DNAAF8: variants seen among roughly 807,000 people sequenced by gnomAD.
The protein encoded by DNAAF8 is dynein axonemal assembly factor 8.
DNAAF8 carries 61 observed loss-of-function variants against 54.6 expected under a neutral mutation model. That is an observed-to-expected ratio of 1.12 (90% CI 0.91 to 1.38). DNAAF8 has a LOEUF of 1.38. DNAAF8 is among the 40% of genes most tolerant of loss of function. The pLI, the probability that DNAAF8 is intolerant of heterozygous loss-of-function variation, is 0.00. For missense variants in DNAAF8, 837 were observed against 665.0 expected (o/e 1.26, Z -2.85); for synonymous variants, 320 against 270.1 (o/e 1.18, Z -1.81).
chr16:4,740,175 T>G lies in DNAAF8; in HGVS notation c.299T>G (p.Leu100Trp). 6.2e-7 allele frequency: 1 copy of G among 1,610,684 alleles called. No homozygotes were observed. Among genetic ancestry groups the G allele is most frequent in the Non-Finnish European group, 8.5e-7 (1 of 1,177,650 alleles). The change falls in exon 4 of 10, where the codon TTG becomes TGG. Residue 100 changes from leucine to tryptophan, a missense_variant. Leu to Trp is a moderately conservative substitution (Grantham distance 61). Transcript: ENST00000299320. ...LPEPVLVPAELATEPGCRQNT... is the reference protein window; with the variant it reads ...LPEPVLVPAEWATEPGCRQNT... ...CAGCCAGTTCTGGTGCCTGCAGAAT[T>G]GGCCACAGAACCTGGGTGCAGACAG... is the stretch of plus-strand genomic sequence containing the variant.
chr16:4,739,262 CTTG>C (rs2081930808), intron 3 of DNAAF8, among the ~76,000 whole-genome samples: 1 of 36,240 alleles, frequency 2.8e-5, no homozygotes, highest in African/African-American at 7.4e-5. Flanking sequence ...ATGATTTTTT[CTTG>C]TTTTTTTTTT....
intron 5 of DNAAF8, 185 bp downstream of exon 5, chr16:4,743,345 T>C (rs773154560): frequency 9.8e-6 from 5 of 509,576 alleles, no homozygotes; most frequent in Non-Finnish European, 1.7e-5. Flanking sequence ...TCAACATATA[T>C]GTGACCGCCT....
At chr16:4,740,692 G>A (rs377159666) in intron 4 of DNAAF8, 33 bp downstream of exon 4, 3 of 1,542,318 alleles carry the variant, frequency 1.9e-6, no homozygotes, top group African/African-American at 2.7e-5. Context: ...CTGTTTCTCA[G>A]GCCTGTTACC....
Position 4,737,836 on chromosome 16 carries a change from C to T in DNAAF8, c.166C>T (p.Arg56Ter), listed in dbSNP as rs150534835. 4.2e-5 allele frequency: 68 copies of T among 1,614,018 alleles called. No homozygotes were observed. The highest frequency in any genetic ancestry group is 2.2e-4 in the East Asian group (10 of 44,890). Reference protein sequence around the residue: ...YGEEELFIFQRNQTSLIPDLS... With the variant: ...YGEEELFIFQ ...GGAAGAGGAGCTGTTCATCTTCCAGCGAAACCAAACCTCCCTGATTCCAGA... is the reference window on the plus strand; with the variant it reads ...GGAAGAGGAGCTGTTCATCTTCCAGTGAAACCAAACCTCCCTGATTCCAGA... The change falls in exon 3 of 10, where the codon CGA becomes TGA. Residue 56 changes from arginine to a stop codon, truncating the protein, a stop_gained. Coordinates refer to ENST00000299320, the MANE Select transcript of DNAAF8 (RefSeq NM_139170.3). LOFTEE classifies it high-confidence loss of function.
At chr16:4,737,687 G>A in intron 2 of DNAAF8, 113 bp from the exon 3 acceptor site, 1 of 1,351,822 alleles carries the variant, frequency 7.4e-7, no homozygotes, top group Non-Finnish European at 1.0e-6. Context: ...GGGCTGGATG[G>A]GCTGGGCGGG....
In DNAAF8 at chr16:4,747,555, G is replaced by C. The variant is rs1244345664; in HGVS notation, c.1493G>C (p.Arg498Thr). 1.2e-6 allele frequency: 2 copies of C among 1,612,180 alleles called. No homozygotes were observed. The highest frequency in any genetic ancestry group is 8.5e-7 in the Non-Finnish European group (1 of 1,179,750). The change falls in exon 9 of 10, where the codon AGA becomes ACA. Residue 498 changes from arginine to threonine, a missense_variant. Physicochemically the swap from Arg to Thr is moderately conservative, Grantham distance 71. Coordinates refer to ENST00000299320, the MANE Select transcript of DNAAF8 (RefSeq NM_139170.3). ...AQARLPRGRPRALGDVPEPGA... is the reference protein window; with the variant it reads ...AQARLPRGRPTALGDVPEPGA... The stretch of plus-strand genomic sequence containing the variant: ...GCTCGACTCCCAAGAGGCAGGCCCA[G>C]AGCCCTGGGGGATGTTCCTGAGCCA...
chr16:4,744,872 C>T lies in DNAAF8; in HGVS notation c.904C>T (p.Arg302Cys), dbSNP rs2075469. The T allele has an allele frequency of 0.64, 1,025,679 of 1,609,712 alleles. 329,683 individuals are homozygous for T. The highest frequency in any genetic ancestry group is 0.69 in the East Asian group (30,677 of 44,722). The change falls in exon 6 of 10, where the codon CGC becomes TGC. Residue 302 changes from arginine (R) to cysteine (C), a missense_variant and splice_region_variant. By Grantham distance (180) the Arg-to-Cys change is radical. Transcript: ENST00000299320. ...GCCTCTCCTTTGGCCATCCTCAGAC[C>T]GCATGGTGCCGAGCGCCCACAACAG... ...WAADHRQVQD[R>C]MVPSAHNRLM...
At chr16:4,744,529 A>G (rs1292191381) in intron 5 of DNAAF8, among the ~76,000 whole-genome samples, 1 of 150,006 alleles carries the variant, frequency 6.7e-6, no homozygotes, top group Non-Finnish European at 1.5e-5. Context: ...GGATGACCCT[A>G]TTTTTTTTTT....
At position 4,740,278 on chromosome 16, in the gene DNAAF8, C is replaced by G; in HGVS notation, c.402C>G (p.Ser134Arg). The change falls in exon 4 of 10, where the codon AGC (serine) becomes AGG (arginine). Residue 134 changes from serine to arginine, a missense_variant. By Grantham distance (110) the Ser-to-Arg change is moderately radical (BLOSUM62 -1). Coordinates refer to ENST00000299320, the MANE Select transcript of DNAAF8 (RefSeq NM_139170.3). ...GRPFESSGEV[S>R]ALLGMAEEPP... The stretch of plus-strand genomic sequence containing the variant: ...CTTTTGAAAGCTCTGGTGAGGTCAG[C>G]GCTCTTCTTGGGATGGCCGAGGAGC... 1 of 1,613,950 alleles carries G rather than the reference C, an allele frequency of 6.2e-7. No homozygotes were observed. The highest frequency in any genetic ancestry group is 8.5e-7 in the Non-Finnish European group (1 of 1,179,970).
At chr16:4,738,851 A>C (rs2142202108) in intron 3 of DNAAF8, among the ~76,000 whole-genome samples, 1 of 152,086 alleles carries the variant, frequency 6.6e-6, no homozygotes, top group South Asian at 2.1e-4. Flanking sequence ...ACCACTGCAC[A>C]CTCCAGCCTG....
At chr16:4,743,487 G>T in intron 5 of DNAAF8, 1 of 184,664 alleles carries the variant, frequency 5.4e-6, no homozygotes, top group South Asian at 1.2e-4. Context: ...CTCCTTCCTG[G>T]GGGAAGGAAG....
At position 4,742,846 on chromosome 16, in the gene DNAAF8, C is replaced by A. The variant is rs567312004; in HGVS notation, c.784-197C>A. On this transcript the variant is annotated intron_variant, in intron 4 of 9. Transcript: ENST00000299320. The stretch of plus-strand genomic sequence containing the variant: ...AGGAAGGAGGTGGCAAAGTGCAGGC[C>A]CACCTTAACGGAGGCGTTCAATCTG... 2.6e-5 allele frequency among the ~76,000 whole-genome samples: 4 copies of A among 152,238 alleles called. No homozygotes were observed. In the South Asian group the frequency reaches 6.2e-4, roughly 24 times the overall value.
intron 1 of DNAAF8, among the ~76,000 whole-genome samples, chr16:4,735,923 T>C (rs917336999): frequency 6.6e-6 from 1 of 152,146 alleles, no homozygotes; most frequent in African/African-American, 2.4e-5. Flanking sequence ...ACCACTGCAC[T>C]CTAGCCTGGG....
At chr16:4,739,926 G>A (rs1023386661) in intron 3 of DNAAF8, among the ~76,000 whole-genome samples, 1 of 151,784 alleles carries the variant, frequency 6.6e-6, no homozygotes, top group South Asian at 2.1e-4. Context: ...GGGCCTAGTA[G>A]TATGTGCCTG....
At chr16:4,737,777 A>G in intron 2 of DNAAF8, 23 bp from the exon 3 acceptor site, 1 of 1,613,744 alleles carries the variant, frequency 6.2e-7, no homozygotes, top group Non-Finnish European at 8.5e-7. Flanking sequence ...TTGTCCTCCA[A>G]AAGCCCTCTC....
chr16:4,745,776 C>G (rs2082007125), intron 6 of DNAAF8, among the ~76,000 whole-genome samples: 1 of 151,948 alleles, frequency 6.6e-6, no homozygotes, highest in African/African-American at 2.4e-5. Flanking sequence ...CATGGTGAAA[C>G]CCCATCTCTA....
chr16:4,738,828 G>A (rs1038490615), intron 3 of DNAAF8, among the ~76,000 whole-genome samples: 14 of 152,040 alleles, frequency 9.2e-5, no homozygotes, highest in Admixed American at 3.9e-4. Context: ...AGATGGCAGT[G>A]AGCCAAGATC....
chr16:4,748,156 G>GT (rs1176443474), intron 9 of DNAAF8: 2 of 151,632 alleles, frequency 1.3e-5, no homozygotes, highest in African/African-American at 2.4e-5. Flanking sequence ...AATACACGTG[G>GT]TTTTTTCTCT....
At chr16:4,748,304 G>GC (rs2082044880) in intron 9 of DNAAF8, 3 of 150,542 alleles carry the variant, frequency 2.0e-5, no homozygotes, top group South Asian at 2.1e-4. Flanking sequence ...TCCTGCCTAG[G>GC]CCTTCCACAG....
Sources: gnomAD v4.1 joint callset for allele counts (sites outside exome capture counted in the v4.1 genomes callset) on GRCh38, gnomAD v4.1.1 for gene constraint, MANE v1.5 for transcripts, NCBI Gene and HGNC (gene_info 2026-07-23, HGNC 2026-07-21) for gene names.